TSTD2: variants seen among roughly 807,000 people sequenced by gnomAD.
TSTD2 encodes thiosulfate sulfurtransferase/rhodanese-like domain-containing protein 2.
In TSTD2, 37 loss-of-function variants were observed where a neutral mutation model predicts 47.9. That is an observed-to-expected ratio of 0.77 (90% CI 0.59 to 1.02). The LOEUF is 1.02. Among genes scored for constraint, TSTD2 ranks in the 50% least tolerant of loss-of-function variants. The pLI, the probability that TSTD2 is intolerant of heterozygous loss-of-function variation, is 0.00. For synonymous variants in TSTD2, 201 were observed against 215.9 expected, an observed-to-expected ratio of 0.93 and a Z score of 0.61; for missense variants, 586 against 616.0, an observed-to-expected ratio of 0.95 and a Z score of 0.52.
intron 3 of TSTD2, among the ~76,000 whole-genome samples, chr9:97,624,398 G>C (rs918864979): frequency 1.1e-4 from 16 of 152,104 alleles, no homozygotes; most frequent in Non-Finnish European, 2.1e-4. Flanking sequence ...CCAACCACAT[G>C]AGTGAACCTG....
chr9:97,602,860 TC>T (rs1826290604), intron 9 of TSTD2, 93 bp from the exon 10 acceptor site: 8 of 1,341,396 alleles, frequency 6.0e-6, no homozygotes, highest in Non-Finnish European at 8.1e-6. Flanking sequence ...ATCTCGTAGA[TC>T]CTGTGGAACC....
chr9:97,613,978 G>A (rs372091690), intron 4 of TSTD2, among the ~76,000 whole-genome samples: 69 of 151,836 alleles, frequency 4.5e-4, no homozygotes, highest in African/African-American at 1.5e-3. Flanking sequence ...ACAGGTGCCC[G>A]CCACCACGCC....
chr9:97,608,934 C>A (rs1306602869), intron 6 of TSTD2, among the ~76,000 whole-genome samples: 1 of 151,994 alleles, frequency 6.6e-6, no homozygotes, highest in Non-Finnish European at 1.5e-5. Context: ...TCAACCAGAC[C>A]TTTGTGCTTC....
At chr9:97,616,627 T>C (rs965496929) in intron 4 of TSTD2, among the ~76,000 whole-genome samples, 8 of 152,174 alleles carry the variant, frequency 5.3e-5, no homozygotes, top group African/African-American at 1.9e-4. Flanking sequence ...ATGAAGTCAT[T>C]ATCTGTTGGA....
intron 4 of TSTD2, 139 bp from the exon 5 acceptor site, chr9:97,611,838 G>T: frequency 1.2e-6 from 1 of 800,866 alleles, no homozygotes; most frequent in Non-Finnish European, 1.9e-6. Flanking sequence ...AAGTGTTACT[G>T]GACAAAGATA....
Position 97,601,086 on chromosome 9 carries a change from A to G in TSTD2, c.*1383T>C. 2.3e-6 allele frequency: 3 copies of G among 1,304,324 alleles called. No homozygotes were observed. The highest frequency in any genetic ancestry group is 2.1e-4 in the Middle Eastern group (1 of 4,698). 80.8% of individuals were successfully genotyped at this position (1,304,324 alleles called of 1,614,324 possible). On this transcript the variant is annotated 3_prime_UTR_variant, in exon 10 of 10. Transcript: ENST00000341170. Reference sequence around the variant, plus strand: ...GTACAGGGTAACTGGAGGCGGGGCCAGGGCCTCAGCGCTATGGAAGAGTGT... The same window carrying G: ...GTACAGGGTAACTGGAGGCGGGGCCGGGGCCTCAGCGCTATGGAAGAGTGT...
intron 1 of TSTD2, among the ~76,000 whole-genome samples, chr9:97,633,039 AAAC>A (rs1330731461): frequency 6.6e-6 from 1 of 152,248 alleles, no homozygotes; most frequent in African/African-American, 2.4e-5. Context: ...CTTCCTAAGC[AAAC>A]AACTTAAGGA....
chr9:97,619,907 T>C (rs576822867), intron 3 of TSTD2, among the ~76,000 whole-genome samples: 3 of 152,192 alleles, frequency 2.0e-5, no homozygotes, highest in Non-Finnish European at 2.9e-5. Context: ...TTGCTTAAAG[T>C]CAGAAATTTG....
Position 97,611,812 on chromosome 9 carries a change from G to A in TSTD2, c.604-113C>T, listed in dbSNP as rs535846443. The A allele has an allele frequency of 2.9e-5, 31 of 1,067,694 alleles. No individual in the cohort carries two copies. In the African/African-American group the frequency reaches 3.3e-4, roughly 11 times the overall value. The allele number at this position is 1,067,694 out of a possible 1,614,324, so 66.1% of individuals were successfully genotyped here. The stretch of plus-strand genomic sequence containing the variant: ...TGAGTTTAACAGGAAAAGCAGAGAC[G>A]CTGATGAGGACACCAAAGTGTTACT... On this transcript the variant is annotated intron_variant, in intron 4 of 9. Transcript: ENST00000341170.
chr9:97,624,589 G>A (rs911001157), intron 3 of TSTD2, among the ~76,000 whole-genome samples: 41 of 152,264 alleles, frequency 2.7e-4, no homozygotes, highest in African/African-American at 9.6e-4. Context: ...AGTCTGAGCC[G>A]TCTTAGTAAA....
In TSTD2 at chr9:97,626,012, C is replaced by T. The variant is rs979611290; in HGVS notation, c.166-15G>A. The stretch of plus-strand genomic sequence containing the variant: ...AGGGCAAAGGCCTGCAATTAGATTT[C>T]AAATGCTAACACTGTTAAATAACCT... On this transcript the variant is annotated splice_polypyrimidine_tract_variant and intron_variant, in intron 2 of 9. Coordinates refer to ENST00000341170, the MANE Select transcript of TSTD2 (RefSeq NM_139246.5). 2.5e-6 allele frequency: 4 copies of T among 1,597,874 alleles called. No individual in the cohort carries two copies. In the East Asian group the frequency reaches 8.9e-5, roughly 36 times the overall value.
chr9:97,628,423 C>T lies in TSTD2; in HGVS notation c.-50-811G>A, dbSNP rs117349498. Among the ~76,000 whole-genome samples, 898 of 152,206 alleles carry T rather than the reference C, an allele frequency of 5.9e-3. 4 individuals are homozygous for T. The highest frequency in any genetic ancestry group is 8.0e-3 in the Non-Finnish European group (542 of 68,008). On this transcript the variant is annotated intron_variant, in intron 1 of 9. Transcript: ENST00000341170. ...GCAAGCTACTTAAGGTTTCTGAGTT[C>T]TAAATCTCTCTTGTGGAAATTGTGC...
rs1395867553 is a variant in TSTD2 at position 97,611,612 on chromosome 9, G to A, written c.691C>T (p.Pro231Ser). 2 of 1,608,896 alleles carry A rather than the reference G, an allele frequency of 1.2e-6. No individual in the cohort carries two copies. The highest frequency in any genetic ancestry group is 1.1e-5 in the South Asian group (1 of 90,914). Residue 231 changes from proline (P) to serine (S), a missense_variant, in exon 5 of 10, where the codon CCA becomes TCA. Coordinates refer to ENST00000341170, the MANE Select transcript of TSTD2 (RefSeq NM_139246.5). ...TTACACAGGTCATCCTTAAACAATG[G>A]GAAGGAAAGCATGACTTCCACATAA... The part of the protein sequence containing the change: ...RLYVEVMLSF[P>S]LFKDDLCKDD...
rs1401720632 is a variant in TSTD2 at position 97,625,827 on chromosome 9, T to C, written c.336A>G (p.Leu112=). Residue 112 remains leucine, a synonymous_variant, in exon 3 of 10, where the codon TTA becomes TTG. Transcript: ENST00000341170. ...DEIYHQTASI[L]KQLAVTLSTS... is the part of the protein sequence containing the mutation. ...TGCTCAATGTCACAGCCAGTTGCTT[T>C]AAAATAGAAGCTGTCTGGTGATAAA... 6.2e-7 allele frequency: 1 copy of C among 1,614,196 alleles called. No individual in the cohort carries two copies. Among genetic ancestry groups the C allele is most frequent in the Non-Finnish European group, 8.5e-7 (1 of 1,179,998 alleles).
chr9:97,615,282 T>C (rs1301761800), intron 4 of TSTD2, among the ~76,000 whole-genome samples: 1 of 152,242 alleles, frequency 6.6e-6, no homozygotes, highest in African/African-American at 2.4e-5. Flanking sequence ...GCACTTGCTA[T>C]GAGACAGAAG....
chr9:97,624,068 A>G (rs1196978580), intron 3 of TSTD2, among the ~76,000 whole-genome samples: 1 of 152,142 alleles, frequency 6.6e-6, no homozygotes, highest in East Asian at 1.9e-4. Context: ...AATACACACT[A>G]AAAAGTAACA....
Position 97,626,133 on chromosome 9 carries a change from T to C in TSTD2, c.166-136A>G, listed in dbSNP as rs1045829692. 4.7e-6 allele frequency: 4 copies of C among 853,772 alleles called. No individual in the cohort carries two copies. The African/African-American group carries it at 6.9e-5, about 15-fold the overall frequency. 52.9% of individuals were successfully genotyped at this position (853,772 alleles called of 1,614,324 possible). A position where few individuals can be genotyped will look rare whatever the true frequency, so the allele number is the denominator to read the frequency against. ...TGTTCCATTATGTTATACAATTCTC[T>C]GAGAAGTAACACTTCTCTTATTAGT... On this transcript the variant is annotated intron_variant, in intron 2 of 9. Transcript: ENST00000341170.
intron 3 of TSTD2, among the ~76,000 whole-genome samples, chr9:97,624,358 C>A (rs910957946): frequency 6.6e-6 from 1 of 152,090 alleles, no homozygotes; most frequent in Non-Finnish European, 1.5e-5. Flanking sequence ...AGGCCTTTGA[C>A]TAAAAGCCAC....
intron 9 of TSTD2, chr9:97,604,067 A>C (rs1417855179): frequency 6.6e-6 from 1 of 152,238 alleles, no homozygotes; most frequent in Non-Finnish European, 1.5e-5. Flanking sequence ...AAAATATCAA[A>C]GTCTTTTTCA....
Sources: allele counts gnomAD v4.1 joint callset (sites outside exome capture counted in the v4.1 genomes callset), GRCh38; gene constraint gnomAD v4.1.1; transcripts MANE v1.5; gene names NCBI Gene and HGNC (gene_info 2026-07-23, HGNC 2026-07-21).